Variants in PABPC1L observed in about 807,000 individuals in gnomAD.
PABPC1L encodes the protein poly(A) binding protein cytoplasmic 1 like.
A neutral mutation model predicts 66.6 loss-of-function variants in PABPC1L; 31 were observed. The observed-to-expected ratio is 0.47, with a 90% CI of 0.35 to 0.63. The LOEUF is 0.63. PABPC1L is among the 20% of genes least tolerant of loss of function. The pLI is 0.00. For synonymous variants in PABPC1L, 348 were observed against 335.1 expected, an observed-to-expected ratio of 1.04 and a Z score of -0.42; for missense variants, 722 against 848.8, an observed-to-expected ratio of 0.85 and a Z score of 1.86.
At chr20:44,926,921 G>T (rs978432199) in intron 7 of PABPC1L, among the ~76,000 whole-genome samples, 1 of 151,970 alleles carries the variant, frequency 6.6e-6, no homozygotes, top group Admixed American at 6.6e-5. Flanking sequence ...TGTTGCCCAG[G>T]CTGGAGGGCC....
At chr20:44,914,948 T>A (rs985257024) in intron 2 of PABPC1L, among the ~76,000 whole-genome samples, 1 of 152,242 alleles carries the variant, frequency 6.6e-6, no homozygotes, top group Admixed American at 6.5e-5. Flanking sequence ...CTGAAAGGAT[T>A]CTCTTATGAC....
intron 13 of PABPC1L, 30 bp downstream of exon 13, chr20:44,938,221 C>T (rs757396792): frequency 1.4e-5 from 23 of 1,608,404 alleles, no homozygotes; most frequent in African/African-American, 5.4e-5. Flanking sequence ...GCAGGGAGCC[C>T]GAGGGGGCAG....
At chr20:44,913,056 C>T (rs558021180) in intron 2 of PABPC1L, among the ~76,000 whole-genome samples, 94 of 152,348 alleles carry the variant, frequency 6.2e-4, no homozygotes, top group African/African-American at 2.2e-3. Context: ...AGTCAGCTCT[C>T]GCTGTGTAAC....
At position 44,935,070 on chromosome 20, in the gene PABPC1L, G is replaced by GAAA. The variant is rs576914712; in HGVS notation, c.1460-309_1460-307dup. On this transcript the variant is annotated intron_variant, in intron 10 of 14. Coordinates refer to ENST00000217073, the MANE Select transcript of PABPC1L (RefSeq NM_001372179.1). ...GTGACAGAGCAAGACTCTGTCTCAG[G>GAAA]AAAAAAAAAAAAAAGAAAGAAAATG... Among the ~76,000 whole-genome samples the GAAA allele has an allele frequency of 1.0e-4, 13 of 130,110 alleles. 1 individual carries two copies. The highest frequency in any genetic ancestry group is 1.4e-4 in the African/African-American group (5 of 35,384). The allele number at this position is 130,110 out of a possible 152,430, so 85.4% of individuals were successfully genotyped here.
chr20:44,913,014 T>C (rs2066715583), intron 2 of PABPC1L, among the ~76,000 whole-genome samples, 161 bp downstream of exon 2: 1 of 152,250 alleles, frequency 6.6e-6, no homozygotes, highest in Admixed American at 6.5e-5. Context: ...CAGTTTCATC[T>C]TCCGTGAATG....
intron 12 of PABPC1L, chr20:44,937,053 G>T: frequency 2.0e-6 from 1 of 500,174 alleles, no homozygotes; most frequent in Non-Finnish European, 4.0e-6. Flanking sequence ...TTTCTGCTGA[G>T]AAATGGCTTG....
At chr20:44,927,253 A>T (rs999523654) in intron 7 of PABPC1L, among the ~76,000 whole-genome samples, 6 of 152,168 alleles carry the variant, frequency 3.9e-5, no homozygotes, top group African/African-American at 1.4e-4. Flanking sequence ...TACTTATACC[A>T]CTATCAAGTT....
Position 44,919,003 on chromosome 20 carries a change from G to A in PABPC1L, c.601G>A (p.Asp201Asn). The change falls in exon 4 of 15, where the codon GAT (aspartate) becomes AAT (asparagine). Residue 201 changes from aspartate to asparagine, a missense_variant. Around this residue, in one of 3 missense-constraint regions of PABPC1L, gnomAD observed 284 missense variants for 294.8 expected, o/e 0.96. Coordinates refer to ENST00000217073, the MANE Select transcript of PABPC1L (RefSeq NM_001372179.1). The part of the protein sequence containing the change: ...TNIYVKNLPV[D>N]VDEQGLQDLF... ...CATCTACGTGAAGAACCTCCCGGTG[G>A]ATGTGGACGAGCAAGGCCTGCAGGA... 1 of 1,613,662 alleles carries A rather than the reference G, an allele frequency of 6.2e-7. No individual in the cohort carries two copies. The highest frequency in any genetic ancestry group is 8.5e-7 in the Non-Finnish European group (1 of 1,179,766).
At chr20:44,911,946 GAC>G (rs537093404) in intron 1 of PABPC1L, among the ~76,000 whole-genome samples, 234 of 152,320 alleles carry the variant, frequency 1.5e-3, no homozygotes, top group African/African-American at 5.3e-3. Context: ...ACCCAGGAGA[GAC>G]ACAGGCTGCA....
intron 7 of PABPC1L, among the ~76,000 whole-genome samples, chr20:44,926,912 G>C (rs1328074525): frequency 2.6e-5 from 4 of 152,002 alleles, no homozygotes; most frequent in African/African-American, 4.8e-5. Context: ...TTCTTATTCT[G>C]TTGCCCAGGC....
At chr20:44,937,797 T>G (rs1456812858) in intron 12 of PABPC1L, 2 of 444,874 alleles carry the variant, frequency 4.5e-6, no homozygotes, top group Non-Finnish European at 8.0e-6. Context: ...ACTTTCTTCA[T>G]GGGACGATCC....
In PABPC1L at chr20:44,916,694, C is replaced by G. The variant is rs868226980; in HGVS notation, c.388-62C>G. ...CAGAGACTGGTCGTGATCACCTTTG[C>G]CATTCCTTTCTACCTGAACCCTCTG... On this transcript the variant is annotated intron_variant, in intron 2 of 14. Transcript: ENST00000217073. The G allele has an allele frequency of 1.4e-5, 21 of 1,501,216 alleles. No individual in the cohort carries two copies. The South Asian group carries it at 2.4e-4, about 17-fold the overall frequency. 93.0% of individuals were successfully genotyped at this position (1,501,216 alleles called of 1,614,324 possible). A position where few individuals can be genotyped will look rare whatever the true frequency, so the allele number is the denominator to read the frequency against.
In PABPC1L at chr20:44,921,579, T is replaced by G; in HGVS notation, c.739-15T>G. 6.2e-7 allele frequency: 1 copy of G among 1,613,326 alleles called. No homozygotes were observed. The highest frequency in any genetic ancestry group is 8.5e-7 in the Non-Finnish European group (1 of 1,179,780). ...CTGAGTGGTTACCAAGCATGTTCCCTCCTCCTTTCCCCAGGCCGTGGTCCA... is the reference window on the plus strand; with the variant it reads ...CTGAGTGGTTACCAAGCATGTTCCCGCCTCCTTTCCCCAGGCCGTGGTCCA... On this transcript the variant is annotated splice_polypyrimidine_tract_variant and intron_variant, in intron 5 of 14. Coordinates refer to ENST00000217073, the MANE Select transcript of PABPC1L (RefSeq NM_001372179.1).
intron 2 of PABPC1L, among the ~76,000 whole-genome samples, chr20:44,915,099 G>A (rs1210949897): frequency 1.3e-5 from 2 of 152,246 alleles, no homozygotes; most frequent in African/African-American, 4.8e-5. Context: ...AGGTGGAGGG[G>A]TATGTGCAAG....
rs184388420 is a variant in PABPC1L at position 44,922,356 on chromosome 20, G to A, written c.876+625G>A. ...CACTCCTGGGTTCAAGAAAGTCTCA[G>A]CCTCCCAAGTAGCTGGGATTACAGG... On this transcript the variant is annotated intron_variant, in intron 6 of 14. Transcript: ENST00000217073. 1.2e-3 allele frequency among the ~76,000 whole-genome samples: 181 copies of A among 152,260 alleles called. 1 individual carries two copies. The highest frequency in any genetic ancestry group is 2.0e-3 in the Non-Finnish European group (136 of 68,020).
rs552854920 is a variant in PABPC1L at position 44,922,649 on chromosome 20, G to A, written c.876+918G>A. Among the ~76,000 whole-genome samples the A allele has an allele frequency of 7.2e-5, 11 of 152,300 alleles. No homozygotes were observed. The South Asian group carries it at 2.1e-3, about 29-fold the overall frequency. ...GCCTCCCAAAGTTATGGGATTACAGGCATGAGCCACCACGCCTGGCCCCCT... is the reference window on the plus strand; with the variant it reads ...GCCTCCCAAAGTTATGGGATTACAGACATGAGCCACCACGCCTGGCCCCCT... On this transcript the variant is annotated intron_variant, in intron 6 of 14. Transcript: ENST00000217073.
At chr20:44,927,349 ATATT>A (rs1252140585) in intron 7 of PABPC1L, among the ~76,000 whole-genome samples, 1 of 150,048 alleles carries the variant, frequency 6.7e-6, no homozygotes, top group Non-Finnish European at 1.5e-5. Flanking sequence ...CAATATATAT[ATATT>A]TTTTTTTTTT....
chr20:44,917,586 G>A (rs2066746035), intron 3 of PABPC1L, among the ~76,000 whole-genome samples: 1 of 152,102 alleles, frequency 6.6e-6, no homozygotes, highest in Non-Finnish European at 1.5e-5. Context: ...TCATCATACT[G>A]TTAACTTCGA....
chr20:44,937,720 C>G, intron 12 of PABPC1L: 1 of 236,208 alleles, frequency 4.2e-6, no homozygotes, highest in Non-Finnish European at 8.2e-6. Flanking sequence ...TGGCCTCACC[C>G]AGAAACATTT....
Sources: allele counts gnomAD v4.1 joint callset (sites outside exome capture counted in the v4.1 genomes callset), GRCh38; gene constraint gnomAD v4.1.1; regional missense constraint gnomAD v4.1.1; transcripts MANE v1.5; gene names NCBI Gene and HGNC (gene_info 2026-07-23, HGNC 2026-07-21).